KCNU1: variants seen among roughly 807,000 people sequenced by gnomAD.
KCNU1 encodes the protein potassium calcium-activated channel subfamily U member 1, also known as potassium channel subfamily U member 1.
KCNU1 carries 93 observed loss-of-function variants against 126.8 expected under a neutral mutation model. The observed-to-expected ratio is 0.73, with a 90% confidence interval of 0.62 to 0.87. KCNU1 has a LOEUF of 0.87. Ranked by LOEUF, KCNU1 falls within the 40% of genes least tolerant of loss-of-function variation. KCNU1 has a pLI of 0.00. For missense variants in KCNU1, 1,330 were observed against 1,367.1 expected (o/e 0.97, Z 0.43); for synonymous variants, 523 against 494.2 (o/e 1.06, Z -0.77).
In KCNU1 at chr8:36,935,865, A is replaced by G; in HGVS notation, c.3395A>G (p.Lys1132Arg). 1 of 1,611,798 alleles carries G rather than the reference A, an allele frequency of 6.2e-7. No individual in the cohort carries two copies. Among genetic ancestry groups the G allele is most frequent in the Non-Finnish European group, 8.5e-7 (1 of 1,178,916 alleles). The change falls in exon 27 of 27, where the codon AAA becomes AGA. Residue 1132 changes from lysine to arginine, a missense_variant. By Grantham distance (26) the Lys-to-Arg change is conservative. Coordinates refer to ENST00000399881, the MANE Select transcript of KCNU1 (RefSeq NM_001031836.3). Reference protein sequence around the residue: ...LGDNAKENERKTSDEVYDEDP... With the variant: ...LGDNAKENERRTSDEVYDEDP... Reference sequence around the variant, plus strand: ...GACAATGCAAAAGAAAATGAAAGGAAAACTTCAGATGAGGTTTATGATGAG... The same window carrying G: ...GACAATGCAAAAGAAAATGAAAGGAGAACTTCAGATGAGGTTTATGATGAG...
At chr8:36,836,663 C>T in intron 13 of KCNU1, 130 bp from the exon 14 acceptor site, 1 of 807,968 alleles carries the variant, frequency 1.2e-6, no homozygotes, top group Admixed American at 2.8e-5. Context: ...ACCTGGGCAC[C>T]ACTTTTGTGT....
chr8:36,808,123 C>T (rs957127415), intron 6 of KCNU1, among the ~76,000 whole-genome samples: 6 of 152,104 alleles, frequency 3.9e-5, no homozygotes, highest in Non-Finnish European at 7.4e-5. Flanking sequence ...GGAGGAAAGC[C>T]TGGTCCTGTG....
intron 2 of KCNU1, among the ~76,000 whole-genome samples, chr8:36,789,146 A>G (rs1422051003): frequency 6.6e-6 from 1 of 152,120 alleles, no homozygotes; most frequent in East Asian, 1.9e-4. Flanking sequence ...GCTTGAGCCT[A>G]GGAGATCAAG....
At chr8:36,870,486 G>A (rs556523796) in intron 19 of KCNU1, among the ~76,000 whole-genome samples, 1 of 152,178 alleles carries the variant, frequency 6.6e-6, no homozygotes, top group South Asian at 2.1e-4. Context: ...AAACTATTCA[G>A]GCAAGAGAAT....
At chr8:36,838,059 C>T (rs544628729) in intron 14 of KCNU1, among the ~76,000 whole-genome samples, 6 of 152,222 alleles carry the variant, frequency 3.9e-5, no homozygotes, top group South Asian at 4.1e-4. Context: ...TAATTCCTTC[C>T]GTGAATGTAA....
At chr8:36,886,607 A>G (rs867239285) in intron 19 of KCNU1, among the ~76,000 whole-genome samples, 3 of 152,218 alleles carry the variant, frequency 2.0e-5, no homozygotes, top group Non-Finnish European at 4.4e-5. Flanking sequence ...ATGGATATGC[A>G]TGCAACATAA....
At chr8:36,879,482 T>A (rs1191296050) in intron 19 of KCNU1, among the ~76,000 whole-genome samples, 1 of 151,956 alleles carries the variant, frequency 6.6e-6, no homozygotes, top group Admixed American at 6.6e-5. Context: ...CATATTTCCA[T>A]CTAATATTTG....
intron 26 of KCNU1, among the ~76,000 whole-genome samples, chr8:36,933,488 C>T (rs1211061250): frequency 2.0e-5 from 3 of 151,978 alleles, no homozygotes; most frequent in Admixed American, 6.6e-5. Context: ...GTGATATGTT[C>T]GGCTTTCAAT....
intron 24 of KCNU1, among the ~76,000 whole-genome samples, chr8:36,926,827 T>C (rs188494584): frequency 2.0e-4 from 31 of 152,240 alleles, no homozygotes; most frequent in Non-Finnish European, 3.5e-4. Flanking sequence ...ACTCTAAACG[T>C]TGGGTTCCTT....
At chr8:36,808,900 G>A in intron 7 of KCNU1, 107 bp downstream of exon 7, 1 of 714,068 alleles carries the variant, frequency 1.4e-6, no homozygotes, top group Non-Finnish European at 2.4e-6. Context: ...CTGTAAGCCA[G>A]TTGGAGGTGT....
At chr8:36,912,922 C>T (rs568391585) in intron 22 of KCNU1, among the ~76,000 whole-genome samples, 24 of 120,358 alleles carry the variant, frequency 2.0e-4, no homozygotes, top group Non-Finnish European at 3.7e-4. Context: ...GAGCTAAGAT[C>T]GTGCCACTGC....
At position 36,807,466 on chromosome 8, in the gene KCNU1, C is replaced by A. The variant is rs185039033; in HGVS notation, c.656+16C>A. ...TCAAGACCAGGTAAATAGCCCTGAC[C>A]GAAGTACTGCTTACTTATTAGTTTG... On this transcript the variant is annotated intron_variant, in intron 6 of 26. Coordinates refer to ENST00000399881, the MANE Select transcript of KCNU1 (RefSeq NM_001031836.3). 2 of 1,559,108 alleles carry A rather than the reference C, an allele frequency of 1.3e-6. No homozygotes were observed. The highest frequency in any genetic ancestry group is 1.7e-5 in the Admixed American group (1 of 59,880).
chr8:36,907,190 G>A (rs186052360), intron 20 of KCNU1, among the ~76,000 whole-genome samples: 122 of 152,144 alleles, frequency 8.0e-4, no homozygotes, highest in Non-Finnish European at 9.4e-4. Context: ...TGCAAAATTC[G>A]GGGTATCTTT....
intron 2 of KCNU1, among the ~76,000 whole-genome samples, chr8:36,794,529 G>A (rs1803022416): frequency 6.6e-6 from 1 of 151,094 alleles, no homozygotes; most frequent in Non-Finnish European, 1.5e-5. Flanking sequence ...TCCCCCTCTA[G>A]TCAGTTATAT....
intron 18 of KCNU1, among the ~76,000 whole-genome samples, chr8:36,847,590 A>G (rs974310809): frequency 6.6e-6 from 1 of 152,132 alleles, no homozygotes; most frequent in Non-Finnish European, 1.5e-5. Flanking sequence ...GTGTGGGTGA[A>G]CATGTGGTGA....
chr8:36,884,288 T>A (rs1305311313), intron 19 of KCNU1, among the ~76,000 whole-genome samples: 1 of 152,202 alleles, frequency 6.6e-6, no homozygotes, highest in Non-Finnish European at 1.5e-5. Flanking sequence ...CTGGCAGCAT[T>A]CACTTCATAT....
intron 10 of KCNU1, among the ~76,000 whole-genome samples, chr8:36,826,961 A>G (rs367653170): frequency 1.2e-4 from 18 of 152,314 alleles, no homozygotes; most frequent in East Asian, 3.9e-4. Context: ...CTAGTTTTCA[A>G]TAACTGAATG....
chr8:36,867,517 A>G (rs1227589476), intron 19 of KCNU1, among the ~76,000 whole-genome samples: 1 of 152,170 alleles, frequency 6.6e-6, no homozygotes, highest in Non-Finnish European at 1.5e-5. Flanking sequence ...TAAAAACATG[A>G]TTCAAACTTG....
At chr8:36,915,676 T>C (rs1171868659) in intron 22 of KCNU1, among the ~76,000 whole-genome samples, 2 of 152,214 alleles carry the variant, frequency 1.3e-5, no homozygotes, top group Non-Finnish European at 1.5e-5. Context: ...CCATGGGTTC[T>C]TTATCACAAC....
Sources: gnomAD v4.1 joint callset for allele counts (sites outside exome capture counted in the v4.1 genomes callset) on GRCh38, gnomAD v4.1.1 for gene constraint, MANE v1.5 for transcripts, NCBI Gene and HGNC (gene_info 2026-07-23, HGNC 2026-07-21) for gene names.